LIMS1: variants seen among roughly 807,000 people sequenced by gnomAD.
LIMS1 encodes the protein LIM and senescent cell antigen-like-containing domain protein 1.
LIMS1 carries 18 observed loss-of-function variants against 44.1 expected under a neutral mutation model. The ratio of observed to expected loss-of-function variants is 0.41; its 90% CI spans 0.28 to 0.61. The LOEUF is 0.61. Among genes scored for constraint, LIMS1 ranks in the 20% least tolerant of loss-of-function variants. The probability of loss-of-function intolerance (pLI) is 0.32; values close to 1 mark genes in which losing one functional copy is unlikely to be tolerated. For synonymous variants in LIMS1, 93 were observed against 149.1 expected (o/e 0.62, Z 2.74); for missense variants, 201 against 422.0 (o/e 0.48, Z 4.59).
chr2:108,681,991 C>A (rs1180285560), intron 9 of LIMS1, among the ~76,000 whole-genome samples: 3 of 152,096 alleles, frequency 2.0e-5, no homozygotes, highest in Non-Finnish European at 2.9e-5. Flanking sequence ...TGCATTCATA[C>A]AATACCCATA....
At position 108,561,847 on chromosome 2, in the gene LIMS1, A is replaced by G. The variant is rs150275071; in HGVS notation, c.32+27253A>G. On this transcript the variant is annotated intron_variant, in intron 1 of 9. Coordinates refer to ENST00000544547, the Ensembl canonical transcript of LIMS1. Reference sequence around the variant, plus strand: ...AACCTCTGCCTCCCGGGTTCAAGCAACTCTCATGCCTCAGCCTCCTGAGTA... The same window carrying G: ...AACCTCTGCCTCCCGGGTTCAAGCAGCTCTCATGCCTCAGCCTCCTGAGTA... 4.5e-3 allele frequency among the ~76,000 whole-genome samples: 671 copies of G among 150,206 alleles called. 4 individuals carry two copies. The highest frequency in any genetic ancestry group is 0.014 in the South Asian group (68 of 4,714).
At chr2:108,602,245 C>G (rs1439855335) in intron 1 of LIMS1, among the ~76,000 whole-genome samples, 3 of 152,162 alleles carry the variant, frequency 2.0e-5, no homozygotes, top group Non-Finnish European at 4.4e-5. Flanking sequence ...CATCTGCAAA[C>G]AAGGATAATT....
intron 1 of LIMS1, among the ~76,000 whole-genome samples, chr2:108,627,527 A>G (rs1420896140): frequency 2.6e-5 from 4 of 151,714 alleles, no homozygotes; most frequent in East Asian, 3.9e-4. Context: ...TATTGTGACA[A>G]TTAAATCCCA....
intron 1 of LIMS1, among the ~76,000 whole-genome samples, chr2:108,569,540 C>A (rs181604903): frequency 3.3e-5 from 5 of 152,106 alleles, no homozygotes; most frequent in Non-Finnish European, 7.4e-5. Context: ...TGTGGATGTC[C>A]GGTTTTCCTA....
chr2:108,676,992 A>AAT, intron 7 of LIMS1: 2 of 346,460 alleles, frequency 5.8e-6, no homozygotes, highest in Non-Finnish European at 5.3e-6. Context: ...CTGTTTTGCC[A>AAT]ATAAGTTCAT....
At chr2:108,569,270 T>C (rs1439530342) in intron 1 of LIMS1, among the ~76,000 whole-genome samples, 1 of 152,186 alleles carries the variant, frequency 6.6e-6, no homozygotes, top group African/African-American at 2.4e-5. Context: ...TTGCAAATAT[T>C]TTCTCCTGTT....
At chr2:108,545,645 A>G (rs1684458635) in intron 1 of LIMS1, among the ~76,000 whole-genome samples, 1 of 152,164 alleles carries the variant, frequency 6.6e-6, no homozygotes, top group Non-Finnish European at 1.5e-5. Context: ...ATTATTGAAG[A>G]CTGCTGTGTC....
At chr2:108,557,645 T>C (rs1209584044) in intron 1 of LIMS1, among the ~76,000 whole-genome samples, 1 of 151,810 alleles carries the variant, frequency 6.6e-6, no homozygotes, top group Admixed American at 6.6e-5. Flanking sequence ...GCCTCCCTAG[T>C]AGCTGGGACT....
chr2:108,671,516 G>C (rs1043064694), intron 3 of LIMS1, among the ~76,000 whole-genome samples: 5 of 152,220 alleles, frequency 3.3e-5, no homozygotes, highest in African/African-American at 1.2e-4. Context: ...GCTTAGGGAT[G>C]CTTAAACATT....
At chr2:108,574,557 A>G (rs1685601918) in intron 1 of LIMS1, among the ~76,000 whole-genome samples, 1 of 152,280 alleles carries the variant, frequency 6.6e-6, no homozygotes, top group Non-Finnish European at 1.5e-5. Context: ...CCAGCCTTCA[A>G]TTGGGTTAGA....
chr2:108,574,220 C>G (rs1192471271), intron 1 of LIMS1, among the ~76,000 whole-genome samples: 1 of 152,004 alleles, frequency 6.6e-6, no homozygotes, highest in East Asian at 1.9e-4. Context: ...TGAAATTTCT[C>G]TAGGGGACAT....
chr2:108,653,295 T>C (rs1028369968), intron 1 of LIMS1, among the ~76,000 whole-genome samples: 2 of 150,032 alleles, frequency 1.3e-5, no homozygotes, highest in Non-Finnish European at 3.0e-5. Flanking sequence ...TTAGTAGTTA[T>C]TCAGTCTCTT....
At chr2:108,641,383 G>A (rs1689655478) in intron 1 of LIMS1, among the ~76,000 whole-genome samples, 1 of 152,188 alleles carries the variant, frequency 6.6e-6, no homozygotes, top group Non-Finnish European at 1.5e-5. Flanking sequence ...AAGACAATTA[G>A]ATGCAAATAG....
At chr2:108,628,884 C>T (rs1688736867) in intron 1 of LIMS1, among the ~76,000 whole-genome samples, 1 of 152,212 alleles carries the variant, frequency 6.6e-6, no homozygotes, top group Admixed American at 6.5e-5. Context: ...ACAATCTTTG[C>T]TCCCTGGCTA....
chr2:108,611,113 A>G (rs1213257333), intron 1 of LIMS1, among the ~76,000 whole-genome samples: 1 of 152,194 alleles, frequency 6.6e-6, no homozygotes, highest in Non-Finnish European at 1.5e-5. Flanking sequence ...CAGGCAGTAC[A>G]CCGTTATGGT....
chr2:108,602,578 A>T (rs759722644), intron 1 of LIMS1, among the ~76,000 whole-genome samples: 5 of 152,118 alleles, frequency 3.3e-5, no homozygotes, highest in East Asian at 3.8e-4. Flanking sequence ...CATTCTGTTG[A>T]TATGATGTAT....
intron 1 of LIMS1, among the ~76,000 whole-genome samples, chr2:108,611,489 T>C (rs1052718862): frequency 6.6e-6 from 1 of 152,210 alleles, no homozygotes; most frequent in Non-Finnish European, 1.5e-5. Context: ...TTTGGTTCTA[T>C]ATAGTGGTCT....
intron 1 of LIMS1, among the ~76,000 whole-genome samples, chr2:108,582,523 C>T (rs779719975): frequency 2.0e-5 from 3 of 152,194 alleles, no homozygotes; most frequent in Non-Finnish European, 2.9e-5. Flanking sequence ...AATCCCAGCA[C>T]TTTGGGAGGC....
Position 108,534,612 on chromosome 2 carries a change from C to T in LIMS1, c.32+18C>T, listed in dbSNP as rs1684051369. The T allele has an allele frequency of 1.2e-5, 14 of 1,122,192 alleles. No homozygotes were observed. The highest frequency in any genetic ancestry group is 4.3e-5 in the South Asian group (1 of 23,320). The allele number at this position is 1,122,192 out of a possible 1,614,324, so 69.5% of individuals were successfully genotyped here. A position where few individuals can be genotyped will look rare whatever the true frequency, so the allele number is the denominator to read the frequency against. On this transcript the variant is annotated intron_variant, in intron 1 of 9. Coordinates refer to ENST00000544547, the Ensembl canonical transcript of LIMS1. ...ACCCACAGGTACGGGCCGCACCGCGCGGCCCCCGCCACGTCCGCCCCGCAG... is the reference window on the plus strand; with the variant it reads ...ACCCACAGGTACGGGCCGCACCGCGTGGCCCCCGCCACGTCCGCCCCGCAG...
Sources: gnomAD v4.1 joint callset for allele counts (sites outside exome capture counted in the v4.1 genomes callset) on GRCh38, gnomAD v4.1.1 for gene constraint, MANE v1.5 for transcripts, NCBI Gene and HGNC (gene_info 2026-07-23, HGNC 2026-07-21) for gene names.